The following PCMT1 variants were observed in gnomAD, a reference collection of about 807,000 sequenced individuals.
The protein encoded by PCMT1 is protein-L-isoaspartate (D-aspartate) O-methyltransferase.
In PCMT1, 9 loss-of-function variants were observed where a neutral mutation model predicts 29.2. The observed-to-expected ratio is 0.31, with a 90% confidence interval of 0.19 to 0.54. The LOEUF (loss-of-function observed/expected upper bound fraction) is 0.54, where lower values mean the gene tolerates loss of function less well. Among genes scored for constraint, PCMT1 ranks in the 20% least tolerant of loss-of-function variants. PCMT1 has a pLI of 0.95. For synonymous variants in PCMT1, 98 were observed against 97.5 expected, an observed-to-expected ratio of 1.00 and a Z score of -0.03; for missense variants, 184 against 282.2, an observed-to-expected ratio of 0.65 and a Z score of 2.49.
At chr6:149,759,503 C>CT (rs1039772006) in intron 1 of PCMT1, among the ~76,000 whole-genome samples, 2 of 151,320 alleles carry the variant, frequency 1.3e-5, no homozygotes, top group Admixed American at 6.6e-5. Flanking sequence ...TTCTTTCTTT[C>CT]TTTTTTTTGA....
chr6:149,808,854 T>C (rs1360801455), intron 7 of PCMT1, among the ~76,000 whole-genome samples: 1 of 151,734 alleles, frequency 6.6e-6, no homozygotes, highest in Admixed American at 6.6e-5. Flanking sequence ...GCCAGGATGG[T>C]CTCGATCTCC....
intron 1 of PCMT1, among the ~76,000 whole-genome samples, chr6:149,755,064 C>A (rs1285025910): frequency 6.6e-6 from 1 of 151,684 alleles, no homozygotes; most frequent in Non-Finnish European, 1.5e-5. Flanking sequence ...GTTTGACTTA[C>A]AAGTTTTTTA....
At chr6:149,756,537 TTTTTTTTGGTAGAGACGGGG>T in intron 1 of PCMT1, among the ~76,000 whole-genome samples, 1 of 142,642 alleles carries the variant, frequency 7.0e-6, no homozygotes, top group Non-Finnish European at 1.5e-5. Flanking sequence ...TTTTTTTTTT[TTTTTTTTGGTAGAGACGGGG>T]TTTTGTCATG....
At chr6:149,765,161 C>G (rs1190465535) in intron 1 of PCMT1, among the ~76,000 whole-genome samples, 1 of 151,128 alleles carries the variant, frequency 6.6e-6, no homozygotes, top group Admixed American at 6.6e-5. Flanking sequence ...GAGATCGAGA[C>G]CATCCTGGCT....
chr6:149,801,573 A>G (rs966903855), intron 6 of PCMT1, among the ~76,000 whole-genome samples: 3 of 151,982 alleles, frequency 2.0e-5, no homozygotes, highest in Non-Finnish European at 4.4e-5. Flanking sequence ...CAGCCTCCCA[A>G]GTAGATAGGA....
chr6:149,776,572 T>C (rs1787576897), intron 3 of PCMT1, among the ~76,000 whole-genome samples: 1 of 152,022 alleles, frequency 6.6e-6, no homozygotes, highest in Non-Finnish European at 1.5e-5. Flanking sequence ...CCACTGTGCC[T>C]GGCCATTAAA....
chr6:149,786,719 G>T (rs1244655574), intron 3 of PCMT1, among the ~76,000 whole-genome samples: 4 of 151,236 alleles, frequency 2.6e-5, no homozygotes. Context: ...CCCAGACGGG[G>T]CGGCGGGGCA....
Position 149,749,889 on chromosome 6 carries a change from A to G in PCMT1, c.-13A>G, listed in dbSNP as rs1374136903. On this transcript the variant is annotated 5_prime_UTR_variant, in exon 1 of 8. Transcript: ENST00000464889. ...TGAAGGTGGTTCTGTACCTGCTCCGAGTGTGCTTAGCGATGGCCTGGAAAT... is the reference window on the plus strand; with the variant it reads ...TGAAGGTGGTTCTGTACCTGCTCCGGGTGTGCTTAGCGATGGCCTGGAAAT... The G allele has an allele frequency of 6.2e-7, 1 of 1,607,538 alleles. No homozygotes were observed.
At chr6:149,770,922 C>A (rs903111427) in intron 1 of PCMT1, among the ~76,000 whole-genome samples, 2 of 151,750 alleles carry the variant, frequency 1.3e-5, no homozygotes, top group African/African-American at 4.8e-5. Flanking sequence ...TAGCGTGAAC[C>A]CAGGAGGCAG....
rs769846405 is a variant in PCMT1, at chr6:149,771,187, A to T, written c.81A>T (p.Lys27Asn). Residue 27 changes from lysine (K) to asparagine (N), a missense_variant, in exon 2 of 8, where the codon AAA (lysine) becomes AAT (asparagine). Coordinates refer to ENST00000464889, the MANE Select transcript of PCMT1 (RefSeq NM_001360452.2). ...LRKNGIIKTD[K>N]VFEVMLATDR... ...AAAATGGAATCATCAAGACAGATAA[A>T]GTATTTGAAGTGATGCTGGCTACAG... 1 of 1,611,150 alleles carries T rather than the reference A, an allele frequency of 6.2e-7. No homozygotes were observed. Among genetic ancestry groups the T allele is most frequent in the Admixed American group, 1.7e-5 (1 of 59,934 alleles).
At position 149,763,006 on chromosome 6, in the gene PCMT1, A is replaced by G. The variant is rs1158800381; in HGVS notation, c.56-8156A>G. ...TATATCTATGATATATATGATATAT[A>G]TATCTATGATATATATGATATATCT... On this transcript the variant is annotated intron_variant, in intron 1 of 7. Coordinates refer to ENST00000464889, the MANE Select transcript of PCMT1 (RefSeq NM_001360452.2). 6.2e-5 allele frequency among the ~76,000 whole-genome samples: 4 copies of G among 64,438 alleles called. 2 individuals are homozygous for G. The highest frequency in any genetic ancestry group is 9.4e-4 in the South Asian group (2 of 2,120). The allele number at this position is 64,438 out of a possible 152,430, so 42.3% of individuals were successfully genotyped here. A position where few individuals can be genotyped will look rare whatever the true frequency, so the allele number is the denominator to read the frequency against.
Position 149,749,873 on chromosome 6 carries a change from T to C in PCMT1, c.-29T>C. The C allele has an allele frequency of 6.2e-7, 1 of 1,603,698 alleles. No homozygotes were observed. Among genetic ancestry groups the C allele is most frequent in the Non-Finnish European group, 8.5e-7 (1 of 1,175,420 alleles). ...GGCACCGTCGTCGCGCTGAAGGTGG[T>C]TCTGTACCTGCTCCGAGTGTGCTTA... On this transcript the variant is annotated 5_prime_UTR_variant, in exon 1 of 8. Coordinates refer to ENST00000464889, the MANE Select transcript of PCMT1 (RefSeq NM_001360452.2).
At chr6:149,780,234 T>C (rs1787759299) in intron 3 of PCMT1, among the ~76,000 whole-genome samples, 1 of 151,976 alleles carries the variant, frequency 6.6e-6, no homozygotes, top group African/African-American at 2.4e-5. Context: ...CCAGCTATTC[T>C]GCAGACTGAG....
At chr6:149,781,038 A>G (rs1188725733) in intron 3 of PCMT1, among the ~76,000 whole-genome samples, 1 of 151,992 alleles carries the variant, frequency 6.6e-6, no homozygotes, top group Non-Finnish European at 1.5e-5. Flanking sequence ...AAAGAATTTT[A>G]TCCATCCTAG....
rs564999862 is a variant in PCMT1, at chr6:149,768,401, T to A, written c.56-2761T>A. Among the ~76,000 whole-genome samples, 22 of 151,986 alleles carry A rather than the reference T, an allele frequency of 1.4e-4. No individual in the cohort carries two copies. The East Asian group carries it at 3.3e-3, about 23-fold the overall frequency. ...GCTACCGCACCTGGCCCCTAATTTT[T>A]AAAATTCTTATTATAATAGGTGATT... On this transcript the variant is annotated intron_variant, in intron 1 of 7. Transcript: ENST00000464889.
Position 149,763,919 on chromosome 6 carries a change from A to G in PCMT1, c.56-7243A>G, listed in dbSNP as rs369798766. Among the ~76,000 whole-genome samples the G allele has an allele frequency of 2.0e-5, 3 of 152,338 alleles. No individual in the cohort carries two copies. The East Asian group carries it at 5.8e-4, about 29-fold the overall frequency. ...ACTAAGAGTGTCATGTGAGTGAATTATGAAAAGGGAGATTCATCTTAATAC... is the reference window on the plus strand; with the variant it reads ...ACTAAGAGTGTCATGTGAGTGAATTGTGAAAAGGGAGATTCATCTTAATAC... On this transcript the variant is annotated intron_variant, in intron 1 of 7. Transcript: ENST00000464889.
intron 3 of PCMT1, among the ~76,000 whole-genome samples, chr6:149,787,333 C>T (rs953087848): frequency 3.7e-4 from 52 of 141,312 alleles, no homozygotes; most frequent in African/African-American, 1.2e-3. Context: ...GGAGCGGGAG[C>T]GGGAGCTGGC....
chr6:149,798,062 AG>A (rs1427732420), intron 6 of PCMT1: 1 of 151,082 alleles, frequency 6.6e-6, no homozygotes, highest in African/African-American at 2.4e-5. Flanking sequence ...CAAGAGGCTG[AG>A]GTGGGAGGAT....
At chr6:149,797,691 G>C (rs1397545686) in intron 6 of PCMT1, 1 of 152,192 alleles carries the variant, frequency 6.6e-6, no homozygotes, top group Non-Finnish European at 1.5e-5. Flanking sequence ...CTTTTGCGTA[G>C]TTCTTGACTA....
Sources: gnomAD v4.1 joint callset for allele counts (sites outside exome capture counted in the v4.1 genomes callset) on GRCh38, gnomAD v4.1.1 for gene constraint, MANE v1.5 for transcripts, NCBI Gene and HGNC (gene_info 2026-07-23, HGNC 2026-07-21) for gene names.